The following CDK14 variants were observed in gnomAD, a reference collection of about 807,000 sequenced individuals.
CDK14 encodes cyclin-dependent kinase 14.
In CDK14, 34 loss-of-function variants were observed where a neutral mutation model predicts 60.7. The ratio of observed to expected loss-of-function variants is 0.56; its 90% confidence interval spans 0.43 to 0.75. The LOEUF (loss-of-function observed/expected upper bound fraction) is 0.75. Among genes scored for constraint, CDK14 ranks in the 30% least tolerant of loss-of-function variants. CDK14 has a pLI of 0.00. For missense variants in CDK14, 482 were observed against 564.1 expected (o/e 0.85, Z 1.47); for synonymous variants, 197 against 203.7 (o/e 0.97, Z 0.28).
intron 14 of CDK14, among the ~76,000 whole-genome samples, chr7:91,204,975 C>T (rs532257470): frequency 1.2e-4 from 18 of 151,672 alleles, no homozygotes; most frequent in South Asian, 4.2e-4. Flanking sequence ...CCAACATCAT[C>T]GATCATTAGG....
chr7:90,643,103 G>A (rs886493917), intron 2 of CDK14, among the ~76,000 whole-genome samples: 1 of 152,158 alleles, frequency 6.6e-6, no homozygotes, highest in Admixed American at 6.5e-5. Context: ...AGCATAGGAG[G>A]GGAGGTGATA....
rs929148619 is a variant in CDK14, at chr7:90,697,355, C to CT, written c.124-29211dup. 1.8e-4 allele frequency among the ~76,000 whole-genome samples: 27 copies of CT among 152,104 alleles called. 1 individual carries two copies. Among genetic ancestry groups the CT allele is most frequent in the African/African-American group, 6.5e-4 (27 of 41,486 alleles). ...AGATAGCACTTTTTGCATTGTGGTG[C>CT]TAAAAAAAAATCTTTATTTTTGTAG... On this transcript the variant is annotated intron_variant, in intron 2 of 14. Transcript: ENST00000380050.
Position 90,955,825 on chromosome 7 carries a change from A to G in CDK14, c.947+8A>G, listed in dbSNP as rs771143392. On this transcript the variant is annotated splice_region_variant and intron_variant, in intron 9 of 14. Coordinates refer to ENST00000380050, the MANE Select transcript of CDK14 (RefSeq NM_001287135.2). ...CACCTGCCTTGACATGTGGTGAGAA[A>G]TGGAAGCTTTACTCTAGCTAATCTA... The G allele has an allele frequency of 1.2e-5, 19 of 1,612,518 alleles. No homozygotes were observed. Among genetic ancestry groups the G allele is most frequent in the Non-Finnish European group, 1.6e-5 (19 of 1,178,934 alleles).
intron 12 of CDK14, among the ~76,000 whole-genome samples, chr7:91,104,781 A>G (rs983449533): frequency 7.9e-5 from 12 of 152,200 alleles, no homozygotes; most frequent in African/African-American, 2.9e-4. Flanking sequence ...GTCAGCCTGA[A>G]TCAACTTCAG....
intron 2 of CDK14, among the ~76,000 whole-genome samples, chr7:90,639,132 G>A (rs939036900): frequency 5.9e-5 from 9 of 152,186 alleles, no homozygotes; most frequent in South Asian, 2.1e-4. Flanking sequence ...CTCTCAACTC[G>A]TCAAAGTCAT....
intron 10 of CDK14, among the ~76,000 whole-genome samples, chr7:90,995,267 A>G (rs574008562): frequency 6.6e-6 from 1 of 152,284 alleles, no homozygotes; most frequent in African/African-American, 2.4e-5. Flanking sequence ...CCCTCATATC[A>G]AGGAACTGAT....
chr7:90,871,920 A>G lies in CDK14; in HGVS notation c.639+8651A>G, dbSNP rs115464274. Among the ~76,000 whole-genome samples the G allele has an allele frequency of 5.3e-3, 809 of 152,356 alleles. 6 individuals carry two copies. The highest frequency in any genetic ancestry group is 0.018 in the African/African-American group (762 of 41,584). On this transcript the variant is annotated intron_variant, in intron 6 of 14. Coordinates refer to ENST00000380050, the MANE Select transcript of CDK14 (RefSeq NM_001287135.2). ...TTGCCCAAGGTTTTACAATTGGCAT[A>G]TATAAGTGTGTCCCATGTGACATAA...
At chr7:91,103,825 CGAGAGAGAGAGAGA>C (rs552559679) in intron 12 of CDK14, among the ~76,000 whole-genome samples, 1 of 123,818 alleles carries the variant, frequency 8.1e-6, no homozygotes, top group Non-Finnish European at 1.7e-5. Context: ...GCAAGGAGAC[CGAGAGAGAGAGAGA>C]GAGAAAGAGA....
chr7:91,104,711 T>TG (rs1172581110), intron 12 of CDK14, among the ~76,000 whole-genome samples: 1 of 152,198 alleles, frequency 6.6e-6, no homozygotes, highest in Non-Finnish European at 1.5e-5. Flanking sequence ...AGAGGCCTCT[T>TG]GCCTCTTCAC....
At chr7:90,923,178 C>G (rs1438744040) in intron 8 of CDK14, among the ~76,000 whole-genome samples, 6 of 147,562 alleles carry the variant, frequency 4.1e-5, no homozygotes, top group Non-Finnish European at 7.4e-5. Context: ...GCGCCAATCT[C>G]GGCTCACTGC....
At chr7:91,107,671 C>T (rs1267572902) in intron 12 of CDK14, 8 of 152,122 alleles carry the variant, frequency 5.3e-5, no homozygotes, top group Admixed American at 1.3e-4. Context: ...CAGTAAAGTT[C>T]GTAAGACAAA....
intron 7 of CDK14, among the ~76,000 whole-genome samples, chr7:90,903,540 T>C (rs774372121): frequency 2.0e-5 from 3 of 152,058 alleles, no homozygotes; most frequent in Non-Finnish European, 2.9e-5. Context: ...GAAAGTAGAA[T>C]GATAGTTACC....
chr7:91,139,404 T>C (rs2115600835), intron 14 of CDK14, among the ~76,000 whole-genome samples: 1 of 152,276 alleles, frequency 6.6e-6, no homozygotes, highest in Admixed American at 6.5e-5. Context: ...ACTGAGTCAC[T>C]TAATAAAATG....
chr7:90,775,198 G>A (rs960464787), intron 4 of CDK14, among the ~76,000 whole-genome samples: 3 of 152,138 alleles, frequency 2.0e-5, no homozygotes, highest in African/African-American at 7.2e-5. Flanking sequence ...CTGTAAAGTT[G>A]AGCATCTGAT....
intron 14 of CDK14, among the ~76,000 whole-genome samples, chr7:91,181,895 A>G (rs1802014033): frequency 1.3e-5 from 2 of 152,112 alleles, no homozygotes; most frequent in Non-Finnish European, 1.5e-5. Context: ...ATCATTGTCT[A>G]CAAATTGTGA....
chr7:90,687,444 G>A (rs1172060565), intron 2 of CDK14, among the ~76,000 whole-genome samples: 2 of 152,100 alleles, frequency 1.3e-5, no homozygotes, highest in Non-Finnish European at 2.9e-5. Flanking sequence ...AGAAGGCTAC[G>A]AAGGGTGAGT....
chr7:90,819,112 G>A (rs2117070822), intron 5 of CDK14, among the ~76,000 whole-genome samples: 1 of 152,188 alleles, frequency 6.6e-6, no homozygotes, highest in African/African-American at 2.4e-5. Flanking sequence ...GTCTGTGCAT[G>A]GAGTTGTTAC....
intron 5 of CDK14, among the ~76,000 whole-genome samples, chr7:90,839,466 T>G (rs1790217979): frequency 6.6e-6 from 1 of 152,186 alleles, no homozygotes; most frequent in South Asian, 2.1e-4. Flanking sequence ...GAAGGTTGTA[T>G]ACAGGGAAGC....
intron 2 of CDK14, among the ~76,000 whole-genome samples, chr7:90,630,152 A>G (rs1021847883): frequency 1.1e-4 from 16 of 152,210 alleles, no homozygotes; most frequent in South Asian, 2.1e-4. Context: ...AAAGACAACT[A>G]TATTTATGTA....
Sources: allele counts gnomAD v4.1 joint callset (sites outside exome capture counted in the v4.1 genomes callset), GRCh38; gene constraint gnomAD v4.1.1; transcripts MANE v1.5; gene names NCBI Gene and HGNC (gene_info 2026-07-23, HGNC 2026-07-21).